PPCDC: variants seen among roughly 807,000 people sequenced by gnomAD.
PPCDC encodes phosphopantothenoylcysteine decarboxylase.
In PPCDC, 20 loss-of-function variants were observed where a neutral mutation model predicts 20.7. The observed-to-expected ratio is 0.97, with a 90% confidence interval of 0.68 to 1.41. The LOEUF is 1.41. Ranked by LOEUF, PPCDC falls within the 40% of genes most tolerant of loss-of-function variation. PPCDC has a pLI of 0.00. For synonymous variants in PPCDC, 88 were observed against 100.3 expected (o/e 0.88, Z 0.73); for missense variants, 246 against 263.8 (o/e 0.93, Z 0.47).
chr15:75,044,224 T>C (rs2066194450), intron 3 of PPCDC, among the ~76,000 whole-genome samples, 162 bp from the exon 4 acceptor site: 1 of 150,816 alleles, frequency 6.6e-6, no homozygotes, highest in Non-Finnish European at 1.5e-5. Flanking sequence ...GGCTGCTGGC[T>C]CCATGGCTAG....
Position 75,049,184 on chromosome 15 carries a change from G to A in PPCDC, c.564G>A (p.Val188=). The A allele has an allele frequency of 4.3e-6, 7 of 1,614,200 alleles. No homozygotes were observed. Among genetic ancestry groups the A allele is most frequent in the Non-Finnish European group, 5.9e-6 (7 of 1,180,038 alleles). ...LGAMAEVGTI[V]DKVKEVLFQH... The stretch of plus-strand genomic sequence containing the variant: ...CCATGGCTGAAGTGGGGACCATCGT[G>A]GACAAAGTGAAAGAAGTCCTCTTCC... The change falls in exon 6 of 6, where the codon GTG becomes GTA. Residue 188 remains valine (V), a synonymous_variant. Transcript: ENST00000342932.
intron 1 of PPCDC, among the ~76,000 whole-genome samples, chr15:75,027,760 G>A (rs1273449949): frequency 6.6e-6 from 1 of 152,070 alleles, no homozygotes; most frequent in African/African-American, 2.4e-5. Flanking sequence ...GCTGCCCACG[G>A]CATTCTGGCC....
chr15:75,042,783 G>C (rs779232331), intron 2 of PPCDC, among the ~76,000 whole-genome samples: 1 of 152,098 alleles, frequency 6.6e-6, no homozygotes, highest in Admixed American at 6.5e-5. Context: ...CCTGGTTTGC[G>C]TTAGTAATTT....
At chr15:75,034,533 C>T (rs948915344) in intron 2 of PPCDC, among the ~76,000 whole-genome samples, 18 of 152,184 alleles carry the variant, frequency 1.2e-4, no homozygotes, top group African/African-American at 4.3e-4. Flanking sequence ...TCCTTCACAG[C>T]TCCCGCGCCT....
At chr15:75,031,912 T>C (rs1290338642) in intron 2 of PPCDC, among the ~76,000 whole-genome samples, 1 of 152,106 alleles carries the variant, frequency 6.6e-6, no homozygotes, top group African/African-American at 2.4e-5. Flanking sequence ...GGAGGAATTA[T>C]ACGGTCTTGT....
At chr15:75,040,293 G>T (rs530561538) in intron 2 of PPCDC, among the ~76,000 whole-genome samples, 1 of 151,692 alleles carries the variant, frequency 6.6e-6, no homozygotes, top group Admixed American at 6.6e-5. Flanking sequence ...GCCCAGGCTG[G>T]TCTTGAACTC....
At chr15:75,032,151 C>T (rs2066028923) in intron 2 of PPCDC, among the ~76,000 whole-genome samples, 1 of 152,184 alleles carries the variant, frequency 6.6e-6, no homozygotes, top group South Asian at 2.1e-4. Context: ...TTCCTGAACT[C>T]CTTCATCCAC....
intron 2 of PPCDC, among the ~76,000 whole-genome samples, chr15:75,040,498 T>C (rs1380675106): frequency 6.6e-6 from 1 of 152,190 alleles, no homozygotes; most frequent in Non-Finnish European, 1.5e-5. Flanking sequence ...TTGCTTTAAA[T>C]TTATCTTTTT....
At chr15:75,044,545 C>A in intron 4 of PPCDC, 31 bp downstream of exon 4, 2 of 1,604,420 alleles carry the variant, frequency 1.2e-6, no homozygotes. Context: ...CTCGTCCGTC[C>A]CTGGGCCTCA....
At chr15:75,047,662 G>A (rs1262270995) in intron 4 of PPCDC, among the ~76,000 whole-genome samples, 7 of 152,206 alleles carry the variant, frequency 4.6e-5, no homozygotes, top group African/African-American at 1.7e-4. Flanking sequence ...CTGGCCCTGC[G>A]CTCAGAGCTT....
At chr15:75,039,598 T>C (rs2066128504) in intron 2 of PPCDC, among the ~76,000 whole-genome samples, 1 of 152,208 alleles carries the variant, frequency 6.6e-6, no homozygotes, top group South Asian at 2.1e-4. Context: ...TGGGCTCTAA[T>C]TGGCTTGTGT....
At position 75,025,331 on chromosome 15, in the gene PPCDC, C is replaced by T. The variant is rs117140771; in HGVS notation, c.-73+1705C>T. ...TTGTTTGGTTCTGCTTTGTCTTAGG[C>T]TCAGTTCTCATCCTTCCTGTATTGA... is the stretch of plus-strand genomic sequence containing the variant. On this transcript the variant is annotated intron_variant, in intron 1 of 5. Transcript: ENST00000342932. Among the ~76,000 whole-genome samples the T allele has an allele frequency of 5.3e-4, 81 of 152,344 alleles. 1 individual carries two copies. The East Asian group carries it at 0.014, about 27-fold the overall frequency.
At chr15:75,028,732 C>G (rs2141475270) in intron 2 of PPCDC, among the ~76,000 whole-genome samples, 1 of 152,190 alleles carries the variant, frequency 6.6e-6, no homozygotes, top group East Asian at 1.9e-4. Context: ...ATACATTAAC[C>G]CTGAGAATCC....
At chr15:75,043,840 G>GTGGTTCC (rs2066186793) in intron 3 of PPCDC, 1 of 359,392 alleles carries the variant, frequency 2.8e-6, no homozygotes, top group East Asian at 6.0e-5. Flanking sequence ...CCTTGTCCAC[G>GTGGTTCC]TGGTTCCTGG....
intron 2 of PPCDC, among the ~76,000 whole-genome samples, chr15:75,037,545 G>A (rs983153446): frequency 2.0e-5 from 3 of 152,174 alleles, no homozygotes; most frequent in East Asian, 3.9e-4. Flanking sequence ...TCAGGAGTTC[G>A]AGACCAGCCT....
chr15:75,026,611 C>G (rs534080593), intron 1 of PPCDC, among the ~76,000 whole-genome samples: 1 of 152,312 alleles, frequency 6.6e-6, no homozygotes, highest in Non-Finnish European at 1.5e-5. Flanking sequence ...AGCCAAGGGG[C>G]CTGTGAGTGA....
At chr15:75,025,551 T>G (rs1047293967) in intron 1 of PPCDC, among the ~76,000 whole-genome samples, 1 of 152,228 alleles carries the variant, frequency 6.6e-6, no homozygotes, top group African/African-American at 2.4e-5. Flanking sequence ...CCTGTCTTTC[T>G]GGAGGATAGA....
chr15:75,039,562 A>T (rs912940487), intron 2 of PPCDC, among the ~76,000 whole-genome samples: 1 of 152,132 alleles, frequency 6.6e-6, no homozygotes, highest in African/African-American at 2.4e-5. Flanking sequence ...CCTTTGTGGT[A>T]CTCACTGCCT....
At chr15:75,042,912 C>A (rs1227449997) in intron 2 of PPCDC, among the ~76,000 whole-genome samples, 1 of 152,196 alleles carries the variant, frequency 6.6e-6, no homozygotes, top group Non-Finnish European at 1.5e-5. Flanking sequence ...GGACTTGTTC[C>A]TAGAAGTACG....
Sources: allele counts gnomAD v4.1 joint callset (sites outside exome capture counted in the v4.1 genomes callset), GRCh38; gene constraint gnomAD v4.1.1; transcripts MANE v1.5; gene names NCBI Gene and HGNC (gene_info 2026-07-23, HGNC 2026-07-21).